Variants in SAMD12 observed in about 807,000 individuals in gnomAD.
SAMD12 encodes the protein sterile alpha motif domain-containing protein 12.
In SAMD12, 9 loss-of-function variants were observed where a neutral mutation model predicts 15.0. The observed-to-expected ratio is 0.60, with a 90% CI of 0.36 to 1.05. The LOEUF is 1.05. Among genes scored for constraint, SAMD12 ranks in the 50% least tolerant of loss-of-function variants. SAMD12 has a pLI of 0.01. For synonymous variants in SAMD12, 86 were observed against 90.1 expected (o/e 0.96, Z 0.25); for missense variants, 230 against 234.2 (o/e 0.98, Z 0.12).
chr8:118,136,293 G>C, the SAMD12 span, among the ~76,000 whole-genome samples: 3 of 152,230 alleles, frequency 2.0e-5, no homozygotes, highest in East Asian at 5.8e-4. Context: ...GCCTCCCAAA[G>C]TGCTGGGATT....
intron 4 of SAMD12, among the ~76,000 whole-genome samples, chr8:118,287,368 G>C (rs1330730254): frequency 6.7e-6 from 1 of 148,826 alleles, no homozygotes; most frequent in African/African-American, 2.5e-5. Context: ...CTCGTGATCC[G>C]CCCGCCTCGG....
intron 3 of SAMD12, among the ~76,000 whole-genome samples, chr8:118,433,901 T>C (rs533358445): frequency 1.1e-4 from 17 of 152,250 alleles, no homozygotes; most frequent in Non-Finnish European, 1.9e-4. Context: ...TACTAAGTAG[T>C]ATTCTCGTAA....
At chr8:118,536,443 A>AACACACACACACAC (rs1165508519) in intron 2 of SAMD12, among the ~76,000 whole-genome samples, 1,481 of 140,788 alleles carry the variant, frequency 0.011, 13 homozygotes, top group Middle Eastern at 0.026. Context: ...CTGATACACA[A>AACACACACACACAC]ACACACACAC....
chr8:118,445,157 GA>G (rs958218722), intron 2 of SAMD12, among the ~76,000 whole-genome samples: 2 of 152,068 alleles, frequency 1.3e-5, no homozygotes, highest in African/African-American at 4.8e-5. Context: ...GAGAAAGAAG[GA>G]AAAGGAGGAA....
At chr8:118,300,536 G>A (rs1814965374) in intron 4 of SAMD12, among the ~76,000 whole-genome samples, 1 of 152,166 alleles carries the variant, frequency 6.6e-6, no homozygotes, top group African/African-American at 2.4e-5. Context: ...GTCTTTCTGA[G>A]TGCTCAGGAT....
chr8:118,157,259 C>G, the SAMD12 span, among the ~76,000 whole-genome samples: 2 of 152,264 alleles, frequency 1.3e-5, no homozygotes, highest in Non-Finnish European at 2.9e-5. Context: ...AGGCACCAAT[C>G]TTAGTGCCAC....
At chr8:118,496,701 A>T (rs943644585) in intron 2 of SAMD12, among the ~76,000 whole-genome samples, 1 of 152,200 alleles carries the variant, frequency 6.6e-6, no homozygotes, top group African/African-American at 2.4e-5. Context: ...CAATTGCAAC[A>T]AAAACAAAAA....
chr8:118,474,869 A>G (rs1343508141), intron 2 of SAMD12, among the ~76,000 whole-genome samples: 1 of 152,176 alleles, frequency 6.6e-6, no homozygotes, highest in African/African-American at 2.4e-5. Context: ...TGGATTCCTC[A>G]TGAATGGGTT....
chr8:118,372,144 C>T (rs1819135810), intron 4 of SAMD12, among the ~76,000 whole-genome samples: 1 of 152,130 alleles, frequency 6.6e-6, no homozygotes, highest in South Asian at 2.1e-4. Flanking sequence ...ATCAGACATT[C>T]TTCACATATG....
At chr8:118,299,926 C>G (rs1279686161) in intron 4 of SAMD12, among the ~76,000 whole-genome samples, 1 of 152,110 alleles carries the variant, frequency 6.6e-6, no homozygotes, top group Non-Finnish European at 1.5e-5. Context: ...GGGCATGGTT[C>G]ATCTCATGAT....
intron 2 of SAMD12, among the ~76,000 whole-genome samples, chr8:118,447,462 C>T (rs1484833575): frequency 1.3e-5 from 2 of 151,944 alleles, no homozygotes; most frequent in Non-Finnish European, 2.9e-5. Flanking sequence ...GCCACTACGC[C>T]CAGCTAACTT....
chr8:118,566,603 T>C (rs963242311), intron 2 of SAMD12, among the ~76,000 whole-genome samples: 1 of 152,116 alleles, frequency 6.6e-6, no homozygotes, highest in Non-Finnish European at 1.5e-5. Context: ...TTAAATGATA[T>C]CTTTTATACT....
At chr8:118,200,781 C>T (rs952580035) in intron 4 of SAMD12, among the ~76,000 whole-genome samples, 3 of 152,284 alleles carry the variant, frequency 2.0e-5, no homozygotes, top group South Asian at 2.1e-4. Flanking sequence ...GTGTAAGACA[C>T]GTGGTGAAAG....
intron 2 of SAMD12, among the ~76,000 whole-genome samples, chr8:118,482,165 G>A (rs76550840): frequency 3.3e-5 from 5 of 152,224 alleles, no homozygotes; most frequent in East Asian, 3.9e-4. Context: ...AATAGGTGCC[G>A]AATCCTATAA....
intron 4 of SAMD12, among the ~76,000 whole-genome samples, chr8:118,198,298 T>A (rs1052518025): frequency 2.0e-5 from 3 of 152,202 alleles, no homozygotes; most frequent in Non-Finnish European, 4.4e-5. Context: ...GACCAGAGAT[T>A]AAACTAATTG....
At chr8:118,138,187 G>T in the SAMD12 span, among the ~76,000 whole-genome samples, 14 of 137,180 alleles carry the variant, frequency 1.0e-4, no homozygotes, top group African/African-American at 3.5e-4. Context: ...TGTGTATCCT[G>T]ATTCCAACGC....
intron 4 of SAMD12, among the ~76,000 whole-genome samples, chr8:118,242,476 C>T (rs1354082536): frequency 6.6e-6 from 1 of 152,082 alleles, no homozygotes; most frequent in African/African-American, 2.4e-5. Context: ...GAGAGATTCA[C>T]ATTACTTTTA....
intron 2 of SAMD12, among the ~76,000 whole-genome samples, chr8:118,576,694 G>T (rs1827160933): frequency 6.6e-6 from 1 of 152,172 alleles, no homozygotes; most frequent in Admixed American, 6.5e-5. Flanking sequence ...CATAGGGCTG[G>T]TTTTTTGGAA....
chr8:118,482,475 A>T (rs200526016), intron 2 of SAMD12, among the ~76,000 whole-genome samples: 4,733 of 148,610 alleles, frequency 0.032, 198 homozygotes, highest in African/African-American at 0.095. Context: ...TATTTTTTTT[A>T]AATTGTGTCT....
Sources: allele counts gnomAD v4.1 joint callset (sites outside exome capture counted in the v4.1 genomes callset), GRCh38; gene constraint gnomAD v4.1.1; transcripts MANE v1.5; gene names NCBI Gene and HGNC (gene_info 2026-07-23, HGNC 2026-07-21).